NDUFC1: variants seen among roughly 807,000 people sequenced by gnomAD.
NDUFC1 encodes NADH:ubiquinone oxidoreductase subunit C1.
In NDUFC1, 11 loss-of-function variants were observed where a neutral mutation model predicts 11.6. The ratio of observed to expected loss-of-function variants is 0.95; its 90% CI spans 0.60 to 1.58. The LOEUF is 1.58. Ranked by LOEUF, NDUFC1 falls within the 40% of genes most tolerant of loss-of-function variation. The pLI is 0.00. For missense variants in NDUFC1, 112 were observed against 93.0 expected (o/e 1.20, Z -0.84); for synonymous variants, 52 against 42.2 (o/e 1.23, Z -0.90).
chr4:139,301,967 G>T (rs113341875), intron 1 of NDUFC1: 9 of 907,754 alleles, frequency 9.9e-6, no homozygotes, highest in African/African-American at 6.8e-5. Context: ...CAGGCCGAAT[G>T]CATTGCTTTG....
At chr4:139,294,327 AAG>A (rs1745362612) in intron 4 of NDUFC1, among the ~76,000 whole-genome samples, 1 of 152,156 alleles carries the variant, frequency 6.6e-6, no homozygotes, top group Non-Finnish European at 1.5e-5. Flanking sequence ...AACCTAATGG[AAG>A]TCTACTGGGA....
chr4:139,301,874 G>T, intron 1 of NDUFC1: 1 of 1,555,674 alleles, frequency 6.4e-7, no homozygotes, highest in Non-Finnish European at 8.7e-7. Context: ...GGATTTAGCC[G>T]GTAACCGGGC....
chr4:139,295,852 G>C lies in NDUFC1; in HGVS notation c.-54C>G. ...GTTGGCAACAGAACCAGCGCCACCT[G>C]GCGGCCGGAAGTGCGGGACTCGAGG... is the stretch of plus-strand genomic sequence containing the variant. On this transcript the variant is annotated 5_prime_UTR_variant, in exon 3 of 6. Coordinates refer to ENST00000394223, the MANE Select transcript of NDUFC1 (RefSeq NM_001184989.2). The C allele has an allele frequency of 6.5e-7, 1 of 1,528,262 alleles. No individual in the cohort carries two copies. The highest frequency in any genetic ancestry group is 2.1e-5 in the Admixed American group (1 of 46,920). 94.7% of individuals were successfully genotyped at this position (1,528,262 alleles called of 1,614,324 possible).
chr4:139,292,750 G>T, intron 4 of NDUFC1, 141 bp from the exon 5 acceptor site: 1 of 414,740 alleles, frequency 2.4e-6, no homozygotes, highest in Non-Finnish European at 4.1e-6. Context: ...CAAAAACCAG[G>T]AATGGTATAA....
intron 4 of NDUFC1, 31 bp downstream of exon 4, chr4:139,295,012 G>T: frequency 6.6e-7 from 1 of 1,526,624 alleles, no homozygotes; most frequent in Non-Finnish European, 9.1e-7. Flanking sequence ...CGCTGGTGTA[G>T]TCTCACGACA....
chr4:139,290,722 T>G (rs1745175771), intron 5 of NDUFC1, among the ~76,000 whole-genome samples: 1 of 151,884 alleles, frequency 6.6e-6, no homozygotes, highest in Non-Finnish European at 1.5e-5. Flanking sequence ...ACACCATATA[T>G]ATATATATAT....
At chr4:139,291,435 C>T (rs1007666900) in intron 5 of NDUFC1, among the ~76,000 whole-genome samples, 3 of 151,836 alleles carry the variant, frequency 2.0e-5, no homozygotes, top group South Asian at 4.2e-4. Context: ...ATTAGCTGGG[C>T]GTGGTAGCGC....
chr4:139,290,391 T>A (rs1579056311), intron 5 of NDUFC1, among the ~76,000 whole-genome samples: 1 of 150,126 alleles, frequency 6.7e-6, no homozygotes, highest in Non-Finnish European at 1.5e-5. Flanking sequence ...GCTATCCCGC[T>A]GCCTAGGCCT....
chr4:139,292,079 C>A (rs1238052118), intron 5 of NDUFC1, among the ~76,000 whole-genome samples: 1 of 152,146 alleles, frequency 6.6e-6, no homozygotes, highest in Non-Finnish European at 1.5e-5. Context: ...CCTTGTGATC[C>A]ACCCGCCTCG....
At chr4:139,291,326 C>T (rs1259619172) in intron 5 of NDUFC1, among the ~76,000 whole-genome samples, 1 of 151,868 alleles carries the variant, frequency 6.6e-6, no homozygotes, top group African/African-American at 2.4e-5. Flanking sequence ...CCTGTAATCC[C>T]AGCACTTTGG....
At chr4:139,296,899 A>G (rs1159272501) in intron 2 of NDUFC1, among the ~76,000 whole-genome samples, 6 of 152,252 alleles carry the variant, frequency 3.9e-5, no homozygotes, top group Non-Finnish European at 8.8e-5. Flanking sequence ...TATTCTCTTT[A>G]GCAATGTTAT....
chr4:139,294,912 T>C, intron 4 of NDUFC1, 131 bp downstream of exon 4: 2 of 614,032 alleles, frequency 3.3e-6, no homozygotes, highest in Non-Finnish European at 5.8e-6. Flanking sequence ...TCAGCGATTA[T>C]ATAAATATCC....
chr4:139,300,425 C>T (rs1745661128), intron 1 of NDUFC1, among the ~76,000 whole-genome samples: 1 of 152,098 alleles, frequency 6.6e-6, no homozygotes, highest in African/African-American at 2.4e-5. Context: ...GTAAAAAACA[C>T]GCACATATTG....
intron 1 of NDUFC1, among the ~76,000 whole-genome samples, chr4:139,297,679 C>G (rs545986119): frequency 6.6e-6 from 1 of 152,152 alleles, no homozygotes; most frequent in South Asian, 2.1e-4. Flanking sequence ...AAAAAAAGAG[C>G]AAGAATTGAA....
chr4:139,296,331 C>A (rs1381867975), intron 2 of NDUFC1: 2 of 153,100 alleles, frequency 1.3e-5, no homozygotes, highest in Admixed American at 6.5e-5. Flanking sequence ...TTAACACTTA[C>A]CACTTACACT....
chr4:139,302,163 C>A (rs988111330), intron 1 of NDUFC1: 4 of 286,694 alleles, frequency 1.4e-5, no homozygotes, highest in Non-Finnish European at 2.6e-5. Context: ...TGGGCGACAC[C>A]GGCAGGAGTC....
chr4:139,297,453 A>G lies in NDUFC1; in HGVS notation c.-221-10T>C, dbSNP rs2110778771. 2 of 152,344 alleles carry G rather than the reference A, an allele frequency of 1.3e-5. No homozygotes were observed. Among genetic ancestry groups the G allele is most frequent in the South Asian group, 4.1e-4 (2 of 4,834 alleles). The allele number at this position is 152,344 out of a possible 1,614,324, so 9.4% of individuals were successfully genotyped here. On this transcript the variant is annotated splice_polypyrimidine_tract_variant and intron_variant, in intron 1 of 5. Transcript: ENST00000394223. The stretch of plus-strand genomic sequence containing the variant: ...GTATGTGAAACTGCATCTAGAAAAG[A>G]ATCCTGATTAAGTAATTCCAGCTAG...
rs776528873 is a variant in NDUFC1 at position 139,292,603 on chromosome 4, T to G, written c.178A>C (p.Lys60Gln). 1 of 1,561,974 alleles carries G rather than the reference T, an allele frequency of 6.4e-7. No individual in the cohort carries two copies. Among genetic ancestry groups the G allele is most frequent in the African/African-American group, 1.4e-5 (1 of 73,486 alleles). ...TTVFLWIYLI[K>Q]QHNEDILEYK... Reference sequence around the variant, plus strand: ...TCTAAAATATCTTCATTGTGTTGTTTGATGAGCTACAAAGAGTTAAACAGT... The same window carrying G: ...TCTAAAATATCTTCATTGTGTTGTTGGATGAGCTACAAAGAGTTAAACAGT... Residue 60 changes from lysine (K) to glutamine (Q), a missense_variant, in exon 5 of 6, where the codon AAA becomes CAA. Lys to Gln is a moderately conservative substitution (Grantham distance 53). Coordinates refer to ENST00000394223, the MANE Select transcript of NDUFC1 (RefSeq NM_001184989.2).
At chr4:139,290,261 G>A in intron 5 of NDUFC1, among the ~76,000 whole-genome samples, 169 bp from the exon 6 acceptor site, 1 of 149,204 alleles carries the variant, frequency 6.7e-6, no homozygotes, top group Non-Finnish European at 1.5e-5. Context: ...CCTTAACTAT[G>A]AAAGAACAGC....
Sources: allele counts gnomAD v4.1 joint callset (sites outside exome capture counted in the v4.1 genomes callset), GRCh38; gene constraint gnomAD v4.1.1; transcripts MANE v1.5; gene names NCBI Gene and HGNC (gene_info 2026-07-23, HGNC 2026-07-21).